Variants in BIRC6 observed in about 807,000 individuals in gnomAD.
BIRC6 encodes the protein dual E2 ubiquitin-conjugating enzyme/E3 ubiquitin-protein ligase BIRC6.
In BIRC6, 98 loss-of-function variants were observed where a neutral mutation model predicts 503.3. The ratio of observed to expected loss-of-function variants is 0.19; its 90% CI spans 0.17 to 0.23. The LOEUF (loss-of-function observed/expected upper bound fraction) is 0.23. Among genes scored for constraint, BIRC6 ranks in the 10% least tolerant of loss-of-function variants. The probability of loss-of-function intolerance (pLI) is 1.00; values close to 1 mark genes in which losing one functional copy is unlikely to be tolerated. For missense variants in BIRC6, 5,360 were observed against 5,806.0 expected (o/e 0.92, Z 2.50); for synonymous variants, 2,240 against 2,078.7 (o/e 1.08, Z -2.11).
chr2:32,599,091 G>A (rs957703606), intron 69 of BIRC6, among the ~76,000 whole-genome samples: 1 of 150,934 alleles, frequency 6.6e-6, no homozygotes, highest in Middle Eastern at 3.2e-3. Context: ...CATTTTGGGA[G>A]GCCAAGGTAG....
At chr2:32,389,000 A>G in intron 4 of BIRC6, 57 bp downstream of exon 4, 1 of 1,129,350 alleles carries the variant, frequency 8.9e-7, no homozygotes, top group Non-Finnish European at 1.1e-6. Context: ...TTTTTGCATT[A>G]AACAAGGAAT....
At chr2:32,454,070 GA>G (rs1381932434) in intron 23 of BIRC6, 128 bp downstream of exon 23, 1 of 793,592 alleles carries the variant, frequency 1.3e-6, no homozygotes, top group East Asian at 3.0e-5. Context: ...TTATTTGTGG[GA>G]GGGGCATTTG....
chr2:32,419,311 A>G (rs1312760624), intron 10 of BIRC6, among the ~76,000 whole-genome samples: 2 of 152,212 alleles, frequency 1.3e-5, no homozygotes, highest in Non-Finnish European at 2.9e-5. Flanking sequence ...AAGTCTTTTC[A>G]TAAAAATAAA....
At position 32,357,259 on chromosome 2, in the gene BIRC6, C is replaced by T; in HGVS notation, c.98C>T (p.Ala33Val). ...GCAGGCCGGAAGATGGCGGCTGCGGCTGCGGCGGCCTCGGGCCCCGGCTGC... is the reference window on the plus strand; with the variant it reads ...GCAGGCCGGAAGATGGCGGCTGCGGTTGCGGCGGCCTCGGGCCCCGGCTGC... ...LSAGRKMAAAAAAASGPGCSS... is the reference protein window; with the variant it reads ...LSAGRKMAAAVAAASGPGCSS... Residue 33 changes from alanine (A) to valine (V), a missense_variant, in exon 1 of 74, where the codon GCT (alanine) becomes GTT (valine). This residue lies in a region of BIRC6 where 145 missense variants were observed against 106.9 expected (regional missense o/e 1.36). Transcript: ENST00000421745. This position sits in a 1 kb window ranked among gnomAD's most constrained non-coding sequence, Gnocchi z 4.9. 1 of 1,522,380 alleles carries T rather than the reference C, an allele frequency of 6.6e-7. No homozygotes were observed. The highest frequency in any genetic ancestry group is 8.8e-7 in the Non-Finnish European group (1 of 1,138,402). The allele number at this position is 1,522,380 out of a possible 1,614,324, so 94.3% of individuals were successfully genotyped here.
At chr2:32,466,560 G>A (rs929543878) in intron 26 of BIRC6, among the ~76,000 whole-genome samples, 3 of 152,092 alleles carry the variant, frequency 2.0e-5, no homozygotes, top group African/African-American at 7.2e-5. Flanking sequence ...AGTTAAGCAG[G>A]GCTTAAGGAA....
rs565034286 is a variant in BIRC6, at chr2:32,357,083, G to A, written c.-79G>A. 11 of 1,267,118 alleles carry A rather than the reference G, an allele frequency of 8.7e-6. No homozygotes were observed. Among genetic ancestry groups the A allele is most frequent in the Admixed American group, 6.8e-5 (2 of 29,298 alleles). The allele number at this position is 1,267,118 out of a possible 1,614,324, so 78.5% of individuals were successfully genotyped here. A position where few individuals can be genotyped will look rare whatever the true frequency, so the allele number is the denominator to read the frequency against. ...CCCTCCGAGTTTGGCCCCTCCGGCC[G>A]GGCGATCGACGTTCCGCGTGCGTGC... On this transcript the variant is annotated 5_prime_UTR_variant, in exon 1 of 74. Coordinates refer to ENST00000421745, the MANE Select transcript of BIRC6 (RefSeq NM_016252.4). The surrounding 1 kb of genome is among the most constrained non-coding windows in gnomAD (Gnocchi z 4.9).
At chr2:32,504,431 G>T (rs1379734026) in intron 49 of BIRC6, among the ~76,000 whole-genome samples, 3 of 151,864 alleles carry the variant, frequency 2.0e-5, no homozygotes, top group Non-Finnish European at 4.4e-5. Context: ...ACTTTGGGTG[G>T]CCGAGGCGGG....
In BIRC6 at chr2:32,464,594, T is replaced by G; in HGVS notation, c.5027T>G (p.Val1676Gly). The part of the protein sequence containing the change: ...ASAVGPVHNS[V>G]PSNPVAAPGF... The stretch of plus-strand genomic sequence containing the variant: ...GCAGTAGGTCCTGTTCACAACTCTG[T>G]GCCTTCCAACCCAGTGGCTGCCCCT... Residue 1676 changes from valine to glycine, a missense_variant, in exon 25 of 74, where the codon GTG becomes GGG. Transcript: ENST00000421745. The G allele has an allele frequency of 6.2e-7, 1 of 1,613,150 alleles. No individual in the cohort carries two copies. Among genetic ancestry groups the G allele is most frequent in the Non-Finnish European group, 8.5e-7 (1 of 1,179,388 alleles).
intron 38 of BIRC6, 40 bp downstream of exon 38, chr2:32,481,493 G>A (rs549529403): frequency 9.2e-6 from 14 of 1,524,618 alleles, no homozygotes; most frequent in African/African-American, 2.8e-5. Flanking sequence ...GAGGCCGGGC[G>A]CAGTGGCTCA....
At chr2:32,549,163 T>G (rs2150383446) in intron 64 of BIRC6, 150 bp from the exon 65 acceptor site, 4 of 533,804 alleles carry the variant, frequency 7.5e-6, no homozygotes, top group Non-Finnish European at 1.2e-5. Context: ...CTTTTGAAAA[T>G]TTAAACAAAT....
At chr2:32,406,670 C>A in intron 9 of BIRC6, 113 bp downstream of exon 9, 1 of 670,338 alleles carries the variant, frequency 1.5e-6, no homozygotes, top group Admixed American at 3.0e-5. Flanking sequence ...TAAATTTTTG[C>A]TAGTATACAC....
chr2:32,506,433 T>C (rs1461279696), intron 50 of BIRC6, among the ~76,000 whole-genome samples: 3 of 152,324 alleles, frequency 2.0e-5, no homozygotes, highest in African/African-American at 7.2e-5. Context: ...AGAAGGAAAA[T>C]ATGCTAGTAC....
intron 71 of BIRC6, among the ~76,000 whole-genome samples, chr2:32,604,052 C>CT (rs1380300488): frequency 6.6e-6 from 1 of 151,916 alleles, no homozygotes; most frequent in African/African-American, 2.4e-5. Flanking sequence ...ATGCTGGCTG[C>CT]TTTTTTGCAT....
Position 32,525,578 on chromosome 2 carries a change from A to G in BIRC6, c.11870A>G (p.Asn3957Ser). ...IGSTSGAEAA[N>S]KIITVPVFHL... ...AGTACTTCAGGAGCAGAGGCTGCCAACAAAATAATTACTGTCCCAGTGTTT... is the reference window on the plus strand; with the variant it reads ...AGTACTTCAGGAGCAGAGGCTGCCAGCAAAATAATTACTGTCCCAGTGTTT... Residue 3957 changes from asparagine (N) to serine (S), a missense_variant, in exon 59 of 74, where the codon AAC becomes AGC. This residue lies in a region of BIRC6 where 878 missense variants were observed against 928.9 expected (regional missense o/e 0.95). Coordinates refer to ENST00000421745, the MANE Select transcript of BIRC6 (RefSeq NM_016252.4). The G allele has an allele frequency of 6.2e-7, 1 of 1,613,986 alleles. No homozygotes were observed. Among genetic ancestry groups the G allele is most frequent in the Non-Finnish European group, 8.5e-7 (1 of 1,179,882 alleles).
Position 32,505,154 on chromosome 2 carries a change from G to A in BIRC6, c.9649G>A (p.Ala3217Thr), listed in dbSNP as rs2053655408. 1.3e-6 allele frequency: 2 copies of A among 1,596,486 alleles called. No individual in the cohort carries two copies. Among genetic ancestry groups the A allele is most frequent in the South Asian group, 2.3e-5 (2 of 88,342 alleles). Reference protein sequence around the residue: ...WCDLTIHLPAAVLLKEIHIQP... With the variant: ...WCDLTIHLPATVLLKEIHIQP... ...TGACCTTACCATTCACCTTCCTGCA[G>A]CAGTGCTGCTTAAGGAGATACATAT... The change falls in exon 50 of 74, where the codon GCA becomes ACA. Residue 3217 changes from alanine (A) to threonine (T), a missense_variant. Ala to Thr is a moderately conservative substitution (Grantham distance 58). Transcript: ENST00000421745.
intron 6 of BIRC6, among the ~76,000 whole-genome samples, chr2:32,397,660 GTGTATATATATA>G (rs2040097809): frequency 7.5e-6 from 1 of 133,482 alleles, no homozygotes; most frequent in East Asian, 2.2e-4. Flanking sequence ...ACACATATAT[GTGTATATATATA>G]TACACACACA....
chr2:32,493,268 A>G (rs1031607845), intron 44 of BIRC6, among the ~76,000 whole-genome samples: 1 of 152,022 alleles, frequency 6.6e-6, no homozygotes, highest in African/African-American at 2.4e-5. Context: ...ATTCAGGTGA[A>G]CTTTTTTTAG....
chr2:32,448,544 G>C (rs186959300), intron 21 of BIRC6, among the ~76,000 whole-genome samples: 182 of 152,238 alleles, frequency 1.2e-3, no homozygotes, highest in Middle Eastern at 3.4e-3. Flanking sequence ...GCAGGCACTC[G>C]GCAGGCTGAG....
Position 32,531,684 on chromosome 2 carries a change from T to G in BIRC6, c.12291+133T>G, listed in dbSNP as rs1366687567. 3 of 799,818 alleles carry G rather than the reference T, an allele frequency of 3.8e-6. No individual in the cohort carries two copies. The African/African-American group carries it at 5.2e-5, about 14-fold the overall frequency. 49.5% of individuals were successfully genotyped at this position (799,818 alleles called of 1,614,324 possible). A position where few individuals can be genotyped will look rare whatever the true frequency, so the allele number is the denominator to read the frequency against. ...TGCTTTATATTTTTTGAACATTATA[T>G]AACTCTTTCAATGGTCAGTCTGTAC... On this transcript the variant is annotated intron_variant, in intron 61 of 73. Coordinates refer to ENST00000421745, the MANE Select transcript of BIRC6 (RefSeq NM_016252.4).
Sources: gnomAD v4.1 joint callset for allele counts (sites outside exome capture counted in the v4.1 genomes callset) on GRCh38, gnomAD v4.1.1 for gene constraint, gnomAD v4.1.1 regional missense constraint, Gnocchi (gnomAD v3.1) non-coding constraint, MANE v1.5 for transcripts, NCBI Gene and HGNC (gene_info 2026-07-23, HGNC 2026-07-21) for gene names.